PCLO: variants seen among roughly 807,000 people sequenced by gnomAD.
PCLO encodes piccolo presynaptic cytomatrix protein.
Under a neutral mutation model 427.5 loss-of-function variants are expected in PCLO, and 82 were observed. That is an observed-to-expected ratio of 0.19 (90% CI 0.16 to 0.23). The LOEUF (loss-of-function observed/expected upper bound fraction) is 0.23. PCLO is among the 10% of genes least tolerant of loss of function. The probability of loss-of-function intolerance (pLI) is 1.00; values close to 1 mark genes in which losing one functional copy is unlikely to be tolerated. For synonymous variants in PCLO, 2,357 were observed against 2,155.4 expected, an observed-to-expected ratio of 1.09 and a Z score of -2.59; for missense variants, 6,239 against 6,115.9, an observed-to-expected ratio of 1.02 and a Z score of -0.67.
intron 3 of PCLO, among the ~76,000 whole-genome samples, chr7:82,984,292 T>C (rs1796209557): frequency 6.6e-6 from 1 of 150,404 alleles, no homozygotes; most frequent in Non-Finnish European, 1.5e-5. Flanking sequence ...TTTTAATTAT[T>C]CAATCATTAC....
chr7:82,981,303 T>G (rs562989042), intron 3 of PCLO, among the ~76,000 whole-genome samples: 3 of 146,748 alleles, frequency 2.0e-5, no homozygotes. Flanking sequence ...GAGTTAGAGG[T>G]AGAATTACCC....
rs772741212 is a variant in PCLO at position 82,915,198 on chromosome 7, C to A, written c.12788G>T (p.Gly4263Val). ...TATGGTATTTCCTAATGTGCCCAGTCCTGTGCCAAGAGAAGATCCCATAAA... is the reference window on the plus strand; with the variant it reads ...TATGGTATTTCCTAATGTGCCCAGTACTGTGCCAAGAGAAGATCCCATAAA... ...QKFMGSSLGT[G>V]LGTLGNTIRS... The change falls in exon 7 of 25, where the codon GGA becomes GTA. Residue 4263 changes from glycine (G) to valine (V), a missense_variant. By Grantham distance (109) the Gly-to-Val change is moderately radical. Coordinates refer to ENST00000333891, the MANE Select transcript of PCLO (RefSeq NM_033026.6). 4.3e-6 allele frequency: 7 copies of A among 1,610,600 alleles called. No individual in the cohort carries two copies. In the African/African-American group the frequency reaches 8.0e-5, roughly 18 times the overall value.
chr7:82,935,772 A>G (rs1182983886), intron 6 of PCLO, among the ~76,000 whole-genome samples: 3 of 151,646 alleles, frequency 2.0e-5, no homozygotes, highest in Non-Finnish European at 4.4e-5. Context: ...ATTCTATGCC[A>G]CGACTGGAGT....
intron 3 of PCLO, among the ~76,000 whole-genome samples, chr7:83,105,396 T>G (rs1303259575): frequency 6.6e-6 from 1 of 152,214 alleles, no homozygotes; most frequent in African/African-American, 2.4e-5. Flanking sequence ...TATCCCTGCG[T>G]ATTAGCTATT....
intron 3 of PCLO, among the ~76,000 whole-genome samples, chr7:83,036,783 T>G (rs919765077): frequency 5.9e-5 from 9 of 152,082 alleles, no homozygotes. Context: ...TTGACGACCC[T>G]ACTAATTACA....
intron 3 of PCLO, among the ~76,000 whole-genome samples, chr7:82,968,857 A>G (rs1209645111): frequency 6.6e-6 from 1 of 152,140 alleles, no homozygotes; most frequent in African/African-American, 2.4e-5. Context: ...ACAGATACGA[A>G]TGGCTGCATT....
Position 82,824,171 on chromosome 7 carries a change from A to G in PCLO, c.14596+65T>C, listed in dbSNP as rs1791869739. 2.8e-6 allele frequency: 3 copies of G among 1,074,626 alleles called. No homozygotes were observed. In the South Asian group the frequency reaches 4.8e-5, roughly 17 times the overall value. The allele number at this position is 1,074,626 out of a possible 1,614,324, so 66.6% of individuals were successfully genotyped here. A position where few individuals can be genotyped will look rare whatever the true frequency, so the allele number is the denominator to read the frequency against. ...ATAGGTTAAATGTACAAACATTCAC[A>G]CTAAGAAGATACAGACTGAACAAAT... On this transcript the variant is annotated intron_variant, in intron 19 of 24. Transcript: ENST00000333891.
chr7:82,761,701 ACAAAATTTAT>A (rs1238975118), intron 22 of PCLO, among the ~76,000 whole-genome samples: 1 of 152,064 alleles, frequency 6.6e-6, no homozygotes, highest in Admixed American at 6.6e-5. Context: ...AATAAAATAC[ACAAAATTTAT>A]CACAGATTCA....
chr7:83,141,140 C>T (rs1238392996), intron 2 of PCLO, among the ~76,000 whole-genome samples: 1 of 152,184 alleles, frequency 6.6e-6, no homozygotes, highest in Non-Finnish European at 1.5e-5. Context: ...CACTGCCTCT[C>T]CAACATGATA....
intron 22 of PCLO, among the ~76,000 whole-genome samples, chr7:82,770,733 T>G (rs1790629623): frequency 6.6e-6 from 1 of 151,852 alleles, no homozygotes; most frequent in Non-Finnish European, 1.5e-5. Flanking sequence ...ATCAAAGGCC[T>G]TCTGACTCTG....
intron 3 of PCLO, among the ~76,000 whole-genome samples, chr7:83,084,605 A>G (rs1292595100): frequency 6.6e-6 from 1 of 152,216 alleles, no homozygotes; most frequent in East Asian, 1.9e-4. Flanking sequence ...AACTATGGAA[A>G]AAATACTTCT....
chr7:82,865,496 C>A (rs1473895916), intron 10 of PCLO, among the ~76,000 whole-genome samples: 1 of 151,818 alleles, frequency 6.6e-6, no homozygotes, highest in East Asian at 1.9e-4. Flanking sequence ...TCAGAAAAAA[C>A]AAACAAACAA....
chr7:82,885,208 C>T (rs568178343), intron 9 of PCLO, among the ~76,000 whole-genome samples: 1 of 152,240 alleles, frequency 6.6e-6, no homozygotes, highest in East Asian at 1.9e-4. Flanking sequence ...TACTCCTGGC[C>T]TTCAAGAAGT....
intron 8 of PCLO, among the ~76,000 whole-genome samples, chr7:82,904,725 G>A (rs1006001020): frequency 2.0e-5 from 3 of 151,850 alleles, no homozygotes; most frequent in Admixed American, 6.6e-5. Flanking sequence ...TCATCATCAG[G>A]CTTCCTAATT....
At chr7:82,842,001 T>C (rs1046174734) in intron 13 of PCLO, among the ~76,000 whole-genome samples, 1 of 152,058 alleles carries the variant, frequency 6.6e-6, no homozygotes, top group African/African-American at 2.4e-5. Flanking sequence ...ACTTTCCCTA[T>C]AAAAATTCCA....
At chr7:83,112,033 G>GT (rs1475380907) in intron 3 of PCLO, among the ~76,000 whole-genome samples, 3 of 134,084 alleles carry the variant, frequency 2.2e-5, no homozygotes. Flanking sequence ...GAAATGTCTG[G>GT]GTTTTTTTGT....
rs746843086 is a variant in PCLO at position 82,955,644 on chromosome 7, A to G, written c.5309T>C (p.Ile1770Thr). 6.8e-6 allele frequency: 11 copies of G among 1,613,704 alleles called. No homozygotes were observed. The highest frequency in any genetic ancestry group is 9.3e-6 in the Non-Finnish European group (11 of 1,179,854). The change falls in exon 5 of 25, where the codon ATT (isoleucine) becomes ACT (threonine). Residue 1770 changes from isoleucine to threonine, a missense_variant. Physicochemically the swap from Ile to Thr is moderately conservative, Grantham distance 89 (BLOSUM62 -1). Around this residue, in one of 5 missense-constraint regions of PCLO, gnomAD observed 4,677 missense variants for 4,468.4 expected, o/e 1.05. Coordinates refer to ENST00000333891, the MANE Select transcript of PCLO (RefSeq NM_033026.6). ...HRPHGPLLPTIEDSSEEEELR... is the reference protein window; with the variant it reads ...HRPHGPLLPTTEDSSEEEELR... ...TTCTTCTTCCTCTGAAGAATCTTCA[A>G]TAGTAGGCAAAAGAGGGCCATGTGG...
At chr7:82,914,642 GTT>G (rs746590923) in intron 7 of PCLO, 42 bp downstream of exon 7, 1 of 1,589,080 alleles carries the variant, frequency 6.3e-7, no homozygotes, top group South Asian at 1.1e-5. Flanking sequence ...AAAAATAAGA[GTT>G]TGAGTTTTGA....
At chr7:82,765,263 G>GA (rs1271269151) in intron 22 of PCLO, among the ~76,000 whole-genome samples, 2 of 151,524 alleles carry the variant, frequency 1.3e-5, no homozygotes, top group African/African-American at 4.8e-5. Flanking sequence ...GTAATGATTA[G>GA]AAAATACACA....
Sources: allele counts gnomAD v4.1 joint callset (sites outside exome capture counted in the v4.1 genomes callset), GRCh38; gene constraint gnomAD v4.1.1; regional missense constraint gnomAD v4.1.1; transcripts MANE v1.5; gene names NCBI Gene and HGNC (gene_info 2026-07-23, HGNC 2026-07-21).